Variants in RPSA2 observed in about 807,000 individuals in gnomAD.
The protein encoded by RPSA2 is small ribosomal subunit protein uS2B.
At chr19:23,812,733 CTAAG>C in the RPSA2 span, among the ~76,000 whole-genome samples, 3 of 152,040 alleles carry the variant, frequency 2.0e-5, no homozygotes, top group African/African-American at 7.2e-5. Flanking sequence ...TTTATCTTGT[CTAAG>C]TGAGTAGCCT....
At chr19:23,775,721 G>C in the RPSA2 span, among the ~76,000 whole-genome samples, 1 of 152,226 alleles carries the variant, frequency 6.6e-6, no homozygotes, top group Non-Finnish European at 1.5e-5. Flanking sequence ...TTCAGACCAA[G>C]ATTGAACACA....
the RPSA2 span, among the ~76,000 whole-genome samples, chr19:23,761,933 T>G: frequency 4.8e-5 from 2 of 41,910 alleles, no homozygotes; most frequent in Non-Finnish European, 7.4e-5. Context: ...TTTTTTTTTT[T>G]TTGAGATGGA....
At chr19:23,777,974 G>A in the RPSA2 span, among the ~76,000 whole-genome samples, 2 of 152,156 alleles carry the variant, frequency 1.3e-5, no homozygotes, top group Non-Finnish European at 2.9e-5. Flanking sequence ...CATATTGCTG[G>A]TTTCAGCACC....
At chr19:23,832,995 C>G in the RPSA2 span, 4 of 1,433,262 alleles carry the variant, frequency 2.8e-6, no homozygotes, top group African/African-American at 5.8e-5. Context: ...GTGGCAAAGC[C>G]TTTAGGCAGT....
the RPSA2 span, among the ~76,000 whole-genome samples, chr19:23,849,586 C>T: frequency 2.6e-5 from 4 of 152,236 alleles, no homozygotes; most frequent in African/African-American, 9.6e-5. Flanking sequence ...CATACGAGGC[C>T]TCAGGTGGGT....
At chr19:23,782,942 C>T in the RPSA2 span, among the ~76,000 whole-genome samples, 1 of 152,034 alleles carries the variant, frequency 6.6e-6, no homozygotes, top group South Asian at 2.1e-4. Context: ...TGAAATACTG[C>T]TGGACCAAGA....
the RPSA2 span, among the ~76,000 whole-genome samples, chr19:23,773,831 A>G: frequency 0.051 from 7,751 of 152,272 alleles, 347 homozygotes; most frequent in South Asian, 0.079. Context: ...GCTGTCAGGT[A>G]CAAATTTAGT....
At chr19:23,785,167 A>T in the RPSA2 span, among the ~76,000 whole-genome samples, 1 of 152,192 alleles carries the variant, frequency 6.6e-6, no homozygotes, top group Non-Finnish European at 1.5e-5. Flanking sequence ...CTCAGGTGGC[A>T]TTGTGACATA....
At chr19:23,850,884 T>G in the RPSA2 span, among the ~76,000 whole-genome samples, 1 of 152,170 alleles carries the variant, frequency 6.6e-6, no homozygotes, top group Non-Finnish European at 1.5e-5. Context: ...TTTAGACTGT[T>G]TGGACAATTG....
chr19:23,812,487 C>T, the RPSA2 span, among the ~76,000 whole-genome samples: 59 of 148,378 alleles, frequency 4.0e-4, no homozygotes, highest in Middle Eastern at 7.4e-3. Context: ...CCTCTGCCTC[C>T]AGGGTTCAAG....
the RPSA2 span, among the ~76,000 whole-genome samples, chr19:23,815,046 A>G: frequency 4.6e-5 from 7 of 152,094 alleles, no homozygotes; most frequent in African/African-American, 1.7e-4. Context: ...GAGTCTCACT[A>G]TGTTGCCCAG....
chr19:23,817,495 A>G, the RPSA2 span: 1 of 152,202 alleles, frequency 6.6e-6, no homozygotes, highest in Non-Finnish European at 1.5e-5. Context: ...ATGCATCATT[A>G]TTATGATAGT....
the RPSA2 span, among the ~76,000 whole-genome samples, chr19:23,857,222 A>G: frequency 6.6e-6 from 1 of 152,182 alleles, no homozygotes; most frequent in Non-Finnish European, 1.5e-5. Flanking sequence ...TTTACAATCA[A>G]TTTGTACAGT....
At chr19:23,766,142 C>CTTTTTTTTTTTTTTTT in the RPSA2 span, among the ~76,000 whole-genome samples, 48 of 43,284 alleles carry the variant, frequency 1.1e-3, 14 homozygotes, top group African/African-American at 3.3e-3. Flanking sequence ...TATTTCATTT[C>CTTTTTTTTTTTTTTTT]CTTTTTTTTT....
chr19:23,833,236 T>A, the RPSA2 span: 5 of 1,036,774 alleles, frequency 4.8e-6, no homozygotes, highest in African/African-American at 1.1e-4. Flanking sequence ...ATGGGAAAAA[T>A]TTGGCAAACC....
chr19:23,807,616 G>A, the RPSA2 span, among the ~76,000 whole-genome samples: 6 of 149,658 alleles, frequency 4.0e-5, no homozygotes, highest in Non-Finnish European at 7.4e-5. Flanking sequence ...TATATACACT[G>A]ATGTTGTGGA....
the RPSA2 span, among the ~76,000 whole-genome samples, chr19:23,765,091 G>C: frequency 2.0e-5 from 3 of 152,204 alleles, no homozygotes; most frequent in Non-Finnish European, 2.9e-5. Context: ...GGATGGCCTA[G>C]GCCTGTGGAA....
chr19:23,788,229 A>AGC, the RPSA2 span, among the ~76,000 whole-genome samples: 17 of 68,552 alleles, frequency 2.5e-4, no homozygotes, highest in Non-Finnish European at 4.2e-4. Flanking sequence ...TGTGCCATAT[A>AGC]GCTGGGCCCA....
At chr19:23,806,681 A>G in the RPSA2 span, among the ~76,000 whole-genome samples, 3 of 151,490 alleles carry the variant, frequency 2.0e-5, no homozygotes, top group South Asian at 6.3e-4. Flanking sequence ...GCTACTAGGG[A>G]AGCTGAGGCA....
Sources: gnomAD v4.1 joint callset for allele counts (sites outside exome capture counted in the v4.1 genomes callset) on GRCh38, gnomAD v4.1.1 for gene constraint, MANE v1.5 for transcripts, NCBI Gene and HGNC (gene_info 2026-07-23, HGNC 2026-07-21) for gene names.